The following FAM227B variants were observed in gnomAD, a reference collection of about 807,000 sequenced individuals.
FAM227B encodes protein FAM227B.
Under a neutral mutation model 73.8 loss-of-function variants are expected in FAM227B, and 88 were observed. The ratio of observed to expected loss-of-function variants is 1.19; its 90% CI spans 1.00 to 1.42. The LOEUF (loss-of-function observed/expected upper bound fraction) is 1.42. Ranked by LOEUF, FAM227B falls within the 40% of genes most tolerant of loss-of-function variation. The pLI, the probability that FAM227B is intolerant of heterozygous loss-of-function variation, is 0.00. For missense variants in FAM227B, 632 were observed against 590.9 expected (o/e 1.07, Z -0.72); for synonymous variants, 210 against 190.5 (o/e 1.10, Z -0.84).
At chr15:49,351,589 C>G (rs1157772725) in intron 13 of FAM227B, among the ~76,000 whole-genome samples, 1 of 152,126 alleles carries the variant, frequency 6.6e-6, no homozygotes, top group South Asian at 2.1e-4. Flanking sequence ...ATACACCGTC[C>G]CAAGTTGGGT....
intron 11 of FAM227B, among the ~76,000 whole-genome samples, chr15:49,500,454 G>A (rs946642099): frequency 1.3e-5 from 2 of 152,308 alleles, no homozygotes; most frequent in African/African-American, 2.4e-5. Flanking sequence ...AGTCAAAGGA[G>A]GTTATTTTGG....
At chr15:49,588,190 A>G in intron 4 of FAM227B, 107 bp from the exon 5 acceptor site, 4 of 637,414 alleles carry the variant, frequency 6.3e-6, no homozygotes, top group Non-Finnish European at 9.0e-6. Context: ...AAATTATTCA[A>G]TGAAATCAAT....
At position 49,541,540 on chromosome 15, in the gene FAM227B, T is replaced by C. The variant is rs549925646; in HGVS notation, c.874+140A>G. 11 of 676,692 alleles carry C rather than the reference T, an allele frequency of 1.6e-5. 1 individual carries two copies. In the South Asian group the frequency reaches 6.5e-4, roughly 40 times the overall value. The allele number at this position is 676,692 out of a possible 1,614,324, so 41.9% of individuals were successfully genotyped here. On this transcript the variant is annotated intron_variant, in intron 10 of 15. Transcript: ENST00000299338. ...TTCAGAAGAAAATAAATAACATTTA[T>C]TTTAACACATGGGTACTGCTATGGC...
chr15:49,530,182 T>C (rs1345802258), intron 10 of FAM227B, among the ~76,000 whole-genome samples: 1 of 151,764 alleles, frequency 6.6e-6, no homozygotes, highest in African/African-American at 2.4e-5. Context: ...TAGAAAACAA[T>C]ATATGTAACA....
intron 1 of FAM227B, among the ~76,000 whole-genome samples, 180 bp from the exon 2 acceptor site, chr15:49,615,423 A>G (rs1193370536): frequency 6.6e-6 from 1 of 152,090 alleles, no homozygotes; most frequent in Non-Finnish European, 1.5e-5. Flanking sequence ...GCCTGGTGGG[A>G]GGTGATTGGA....
intron 9 of FAM227B, among the ~76,000 whole-genome samples, chr15:49,560,181 T>A (rs1349788607): frequency 6.7e-6 from 1 of 150,024 alleles, no homozygotes; most frequent in African/African-American, 2.4e-5. Context: ...TGAAAAGAAA[T>A]CAATTAGAGC....
intron 11 of FAM227B, among the ~76,000 whole-genome samples, chr15:49,374,616 G>T (rs1381679723): frequency 6.6e-6 from 1 of 152,186 alleles, no homozygotes; most frequent in Non-Finnish European, 1.5e-5. Context: ...GTGCAGTGGT[G>T]CCATCTAGGC....
At chr15:49,376,458 A>G (rs1464468786) in intron 11 of FAM227B, among the ~76,000 whole-genome samples, 32 of 152,192 alleles carry the variant, frequency 2.1e-4, no homozygotes, top group East Asian at 1.9e-4. Flanking sequence ...TGGACTCTCC[A>G]GTCTATTTCA....
rs189187713 is a variant in FAM227B at position 49,582,882 on chromosome 15, A to C, written c.405+5134T>G. Among the ~76,000 whole-genome samples the C allele has an allele frequency of 1.6e-3, 244 of 151,174 alleles. 2 individuals are homozygous for C. The highest frequency in any genetic ancestry group is 5.5e-3 in the African/African-American group (228 of 41,264). On this transcript the variant is annotated intron_variant, in intron 5 of 15. Transcript: ENST00000299338. ...ACCTGCTACTGAATGACTTTCAGGA[A>C]AAAAAAAAGGAATTAAGGCAGAAAT...
chr15:49,611,500 T>C (rs1054604987), intron 2 of FAM227B, among the ~76,000 whole-genome samples: 1 of 152,164 alleles, frequency 6.6e-6, no homozygotes, highest in Non-Finnish European at 1.5e-5. Flanking sequence ...TCTTATACAC[T>C]AGCCCTAGAG....
chr15:49,376,307 T>C (rs1175375923), intron 11 of FAM227B, among the ~76,000 whole-genome samples: 1 of 152,078 alleles, frequency 6.6e-6, no homozygotes, highest in Non-Finnish European at 1.5e-5. Context: ...GTATATTGTG[T>C]GAGGTACAAG....
chr15:49,550,272 G>C (rs2072721106), intron 9 of FAM227B, among the ~76,000 whole-genome samples: 1 of 146,118 alleles, frequency 6.8e-6, no homozygotes, highest in Non-Finnish European at 1.5e-5. Flanking sequence ...TCACTTCCCA[G>C]TAGGGGCGGC....
At chr15:49,525,707 T>TACACATAC (rs1567487423) in intron 10 of FAM227B, among the ~76,000 whole-genome samples, 2 of 82,484 alleles carry the variant, frequency 2.4e-5, no homozygotes, top group African/African-American at 7.8e-5. Context: ...TATATATATA[T>TACACATAC]ATATATATAT....
chr15:49,589,664 A>G (rs1019386327), intron 4 of FAM227B, 112 bp downstream of exon 4: 71 of 690,964 alleles, frequency 1.0e-4, no homozygotes, highest in Non-Finnish European at 1.4e-4. Context: ...TGTAATTCCA[A>G]CACTTTTGGA....
intron 13 of FAM227B, among the ~76,000 whole-genome samples, chr15:49,348,421 A>G (rs936058828): frequency 2.6e-5 from 4 of 152,204 alleles, no homozygotes; most frequent in African/African-American, 9.6e-5. Flanking sequence ...GAAATTTGAT[A>G]TATCACTAAA....
At chr15:49,499,330 A>C (rs2057940049) in intron 11 of FAM227B, among the ~76,000 whole-genome samples, 1 of 152,108 alleles carries the variant, frequency 6.6e-6, no homozygotes, top group South Asian at 2.1e-4. Flanking sequence ...GAAAATTTAA[A>C]ATGCCATGTA....
At chr15:49,478,661 CT>C (rs2055595853) in intron 11 of FAM227B, among the ~76,000 whole-genome samples, 1 of 152,056 alleles carries the variant, frequency 6.6e-6, no homozygotes, top group Admixed American at 6.5e-5. Context: ...ACTGCCTCCA[CT>C]TTTTTTCCAA....
intron 3 of FAM227B, among the ~76,000 whole-genome samples, chr15:49,599,512 C>T (rs2077065811): frequency 6.6e-6 from 1 of 151,982 alleles, no homozygotes; most frequent in Non-Finnish European, 1.5e-5. Flanking sequence ...GTTCTAGTTA[C>T]TTGAGATATA....
At chr15:49,410,101 T>C (rs928923472) in intron 11 of FAM227B, among the ~76,000 whole-genome samples, 1 of 152,136 alleles carries the variant, frequency 6.6e-6, no homozygotes, top group African/African-American at 2.4e-5. Context: ...CTTTCACAAC[T>C]GTACTCTCAC....
Sources: allele counts gnomAD v4.1 joint callset (sites outside exome capture counted in the v4.1 genomes callset), GRCh38; gene constraint gnomAD v4.1.1; transcripts MANE v1.5; gene names NCBI Gene and HGNC (gene_info 2026-07-23, HGNC 2026-07-21).